Variants in LRP1B observed in about 807,000 individuals in gnomAD.
The protein encoded by LRP1B is low-density lipoprotein receptor-related protein 1B.
LRP1B carries 217 observed loss-of-function variants against 556.6 expected under a neutral mutation model. The ratio of observed to expected loss-of-function variants is 0.39; its 90% CI spans 0.35 to 0.44. The LOEUF (loss-of-function observed/expected upper bound fraction) is 0.44. Among genes scored for constraint, LRP1B ranks in the 20% least tolerant of loss-of-function variants. The pLI is 1.00. For missense variants in LRP1B, 5,053 were observed against 5,620.8 expected (o/e 0.90, Z 3.23); for synonymous variants, 2,047 against 1,865.8 (o/e 1.10, Z -2.50).
intron 84 of LRP1B, among the ~76,000 whole-genome samples, chr2:140,279,861 CTACTT>C (rs1162784045): frequency 1.3e-5 from 2 of 151,864 alleles, no homozygotes; most frequent in East Asian, 3.9e-4. Context: ...ATCGAGGTGA[CTACTT>C]TAAGCACCAA....
At chr2:141,997,567 C>T (rs1372554297) in intron 1 of LRP1B, among the ~76,000 whole-genome samples, 4 of 150,122 alleles carry the variant, frequency 2.7e-5, no homozygotes, top group East Asian at 2.0e-4. Context: ...ACTGCAGCCT[C>T]GAACTCCTGG....
At position 140,358,016 on chromosome 2, in the gene LRP1B, G is replaced by T. The variant is rs1418422774; in HGVS notation, c.11358C>A (p.Asp3786Glu). ...CTTGCTCATCTGAACCATCTCCGCA[G>T]TCATCAAGTCGATCACACTGGAGAT... ...PMDLQCDRLD[D>E]CGDGSDEQGC... is the part of the protein sequence containing the mutation. The change falls in exon 74 of 91, where the codon GAC (aspartate) becomes GAA (glutamate). Residue 3786 changes from aspartate to glutamate, a missense_variant. Asp to Glu is a conservative substitution (Grantham distance 45). Around this residue, in one of 5 missense-constraint regions of LRP1B, gnomAD observed 599 missense variants for 648.4 expected, o/e 0.92. Coordinates refer to ENST00000389484, the MANE Select transcript of LRP1B (RefSeq NM_018557.3). 2 of 1,611,212 alleles carry T rather than the reference G, an allele frequency of 1.2e-6. No individual in the cohort carries two copies. The highest frequency in any genetic ancestry group is 1.7e-6 in the Non-Finnish European group (2 of 1,178,248).
chr2:141,138,881 A>G (rs1379224722), intron 7 of LRP1B, among the ~76,000 whole-genome samples: 2 of 151,898 alleles, frequency 1.3e-5, no homozygotes, highest in African/African-American at 4.8e-5. Context: ...TTCACATAGA[A>G]ATTTGAAAGA....
intron 67 of LRP1B, among the ~76,000 whole-genome samples, chr2:140,383,691 C>G (rs1683637926): frequency 6.6e-6 from 1 of 152,158 alleles, no homozygotes; most frequent in South Asian, 2.1e-4. Flanking sequence ...TACTCTTATA[C>G]TTGTCCCATA....
chr2:141,458,606 A>G (rs17613455), intron 3 of LRP1B, among the ~76,000 whole-genome samples: 5,145 of 152,186 alleles, frequency 0.034, 138 homozygotes, highest in South Asian at 0.049. Flanking sequence ...TACTTATAAA[A>G]GGAGAAAGTA....
At chr2:141,268,507 G>T (rs1684971688) in intron 3 of LRP1B, among the ~76,000 whole-genome samples, 1 of 152,046 alleles carries the variant, frequency 6.6e-6, no homozygotes, top group African/African-American at 2.4e-5. Flanking sequence ...AATAAATTTT[G>T]ATATGAATGT....
intron 3 of LRP1B, among the ~76,000 whole-genome samples, chr2:141,395,872 G>A (rs1056254743): frequency 4.6e-5 from 7 of 152,134 alleles, no homozygotes; most frequent in South Asian, 2.1e-4. Flanking sequence ...AAGCGATAAC[G>A]TTTGTAGAGG....
intron 3 of LRP1B, among the ~76,000 whole-genome samples, chr2:141,472,163 C>T (rs1407729626): frequency 6.6e-6 from 1 of 152,174 alleles, no homozygotes; most frequent in African/African-American, 2.4e-5. Flanking sequence ...AAAGCAGTTG[C>T]TATTTCTTCT....
At chr2:140,745,987 G>A (rs1457053456) in intron 35 of LRP1B, among the ~76,000 whole-genome samples, 25 of 152,114 alleles carry the variant, frequency 1.6e-4, no homozygotes, top group Admixed American at 1.6e-3. Flanking sequence ...TATCAGATGG[G>A]TAATTCTGAA....
At chr2:140,653,433 C>T (rs1456927381) in intron 41 of LRP1B, among the ~76,000 whole-genome samples, 9 of 151,232 alleles carry the variant, frequency 6.0e-5, no homozygotes, top group African/African-American at 2.2e-4. Flanking sequence ...TCCGTGGAGA[C>T]TAGAAAGTTG....
intron 3 of LRP1B, among the ~76,000 whole-genome samples, chr2:141,364,921 C>T (rs1451937770): frequency 6.6e-6 from 1 of 152,140 alleles, no homozygotes; most frequent in Non-Finnish European, 1.5e-5. Flanking sequence ...TTTGTAGTTA[C>T]TTGGACTAAT....
intron 45 of LRP1B, among the ~76,000 whole-genome samples, chr2:140,539,726 A>T (rs1680064605): frequency 6.6e-6 from 1 of 152,138 alleles, no homozygotes. Flanking sequence ...AGACCATTAC[A>T]GCTGAAACCA....
chr2:140,434,982 A>C (rs1010909798), intron 66 of LRP1B, among the ~76,000 whole-genome samples: 1 of 152,128 alleles, frequency 6.6e-6, no homozygotes, highest in Non-Finnish European at 1.5e-5. Context: ...TTGAGAAAAA[A>C]CATTAGAATC....
At position 140,361,628 on chromosome 2, in the gene LRP1B, C is replaced by G. The variant is rs193083035; in HGVS notation, c.11132-2682G>C. ...TTGGTGTCTCTGGTGCCTCACTCTT[C>G]TTTTTTGCAGTGCCTTCTGTGGTCA... On this transcript the variant is annotated intron_variant, in intron 72 of 90. Coordinates refer to ENST00000389484, the MANE Select transcript of LRP1B (RefSeq NM_018557.3). 4.0e-5 allele frequency among the ~76,000 whole-genome samples: 6 copies of G among 151,202 alleles called. No individual in the cohort carries two copies. In the Admixed American group the frequency reaches 4.0e-4, roughly 10 times the overall value.
chr2:141,508,088 C>CCT (rs1553523449), intron 2 of LRP1B, among the ~76,000 whole-genome samples: 1 of 149,204 alleles, frequency 6.7e-6, no homozygotes, highest in Non-Finnish European at 1.5e-5. Flanking sequence ...TCCATCCCCC[C>CCT]CCCAAAAAAA....
At position 140,253,921 on chromosome 2, in the gene LRP1B, C is replaced by T. The variant is rs534441556; in HGVS notation, c.13248-6759G>A. 3.9e-5 allele frequency among the ~76,000 whole-genome samples: 6 copies of T among 152,150 alleles called. No individual in the cohort carries two copies. The South Asian group carries it at 1.2e-3, about 32-fold the overall frequency. On this transcript the variant is annotated intron_variant, in intron 86 of 90. Coordinates refer to ENST00000389484, the MANE Select transcript of LRP1B (RefSeq NM_018557.3). ...TGTGCTGCAATACTAGTGGAAAGCT[C>T]CCAAGATGAAGGCCAGTTCCAAAAT...
chr2:141,317,096 G>C (rs1394477842), intron 3 of LRP1B, among the ~76,000 whole-genome samples: 1 of 152,138 alleles, frequency 6.6e-6, no homozygotes, highest in Non-Finnish European at 1.5e-5. Context: ...AATGTGTCTT[G>C]ATTTGACACA....
At chr2:141,382,228 C>G (rs1327413866) in intron 3 of LRP1B, among the ~76,000 whole-genome samples, 1 of 152,132 alleles carries the variant, frequency 6.6e-6, no homozygotes, top group African/African-American at 2.4e-5. Context: ...ACTCCAGCCC[C>G]CTTCAACTGA....
chr2:140,685,624 G>A (rs1293695917), intron 41 of LRP1B, among the ~76,000 whole-genome samples: 3 of 152,096 alleles, frequency 2.0e-5, no homozygotes, highest in Non-Finnish European at 4.4e-5. Flanking sequence ...GAACAGTTCT[G>A]TTCAACCAAA....
Sources: gnomAD v4.1 joint callset for allele counts (sites outside exome capture counted in the v4.1 genomes callset) on GRCh38, gnomAD v4.1.1 for gene constraint, gnomAD v4.1.1 regional missense constraint, MANE v1.5 for transcripts, NCBI Gene and HGNC (gene_info 2026-07-23, HGNC 2026-07-21) for gene names.